The following DNHD1 variants were observed in gnomAD, a reference collection of about 807,000 sequenced individuals.
DNHD1 encodes dynein heavy chain domain-containing protein 1.
Under a neutral mutation model 458.1 loss-of-function variants are expected in DNHD1, and 383 were observed. The ratio of observed to expected loss-of-function variants is 0.84; its 90% CI spans 0.77 to 0.91. The LOEUF (loss-of-function observed/expected upper bound fraction) is 0.91, where lower values mean the gene tolerates loss of function less well. DNHD1 is among the 40% of genes least tolerant of loss of function. DNHD1 has a pLI of 0.00. For missense variants in DNHD1, 5,336 were observed against 5,866.1 expected (o/e 0.91, Z 2.95); for synonymous variants, 2,203 against 2,376.9 (o/e 0.93, Z 2.13).
Position 6,571,736 on chromosome 11 carries a change from A to G in DNHD1, c.14012A>G (p.Gln4671Arg), listed in dbSNP as rs779375712. ...AEWDPIAGAL[Q>R]DSPSSQPSPL... Reference sequence around the variant, plus strand: ...TGGGACCCAATAGCTGGAGCCTTGCAGGACAGTCCTTCCAGCCAACCCAGC... The same window carrying G: ...TGGGACCCAATAGCTGGAGCCTTGCGGGACAGTCCTTCCAGCCAACCCAGC... The change falls in exon 43 of 43, where the codon CAG becomes CGG. Residue 4671 changes from glutamine (Q) to arginine (R), a missense_variant. By Grantham distance (43) the Gln-to-Arg change is conservative. Coordinates refer to ENST00000254579, the MANE Select transcript of DNHD1 (RefSeq NM_144666.3). This position sits in a 1 kb window ranked among gnomAD's most constrained non-coding sequence, Gnocchi z 5.0. 5.6e-6 allele frequency: 9 copies of G among 1,612,850 alleles called. No homozygotes were observed. The African/African-American group carries it at 1.1e-4, about 19-fold the overall frequency.
Position 6,539,277 on chromosome 11 carries a change from T to C in DNHD1, c.3384T>C (p.Thr1128=). The C allele has an allele frequency of 6.4e-7, 1 of 1,551,666 alleles. No homozygotes were observed. Among genetic ancestry groups the C allele is most frequent in the Non-Finnish European group, 8.7e-7 (1 of 1,146,986 alleles). ...IELLTLGQLL[T]YPLLEFADRI... ...TCCTAACGCTGGGCCAGCTGCTTAC[T>C]TATCCACTGCTGGAGTTTGCAGATC... The change falls in exon 17 of 43, where the codon ACT becomes ACC. Residue 1128 remains threonine (T), a synonymous_variant. Transcript: ENST00000254579.
At position 6,539,915 on chromosome 11, in the gene DNHD1, A is replaced by C. The variant is rs1469155370; in HGVS notation, c.3460A>C (p.Thr1154Pro). The C allele has an allele frequency of 6.4e-7, 1 of 1,551,582 alleles. No individual in the cohort carries two copies. Among genetic ancestry groups the C allele is most frequent in the Non-Finnish European group, 8.7e-7 (1 of 1,146,994 alleles). Residue 1154 changes from threonine (T) to proline (P), a missense_variant, in exon 18 of 43, where the codon ACT (threonine) becomes CCT (proline). Physicochemically the swap from Thr to Pro is conservative, Grantham distance 38. This residue lies in a region of DNHD1 where 3,932 missense variants were observed against 4,365.6 expected (regional missense o/e 0.90). Transcript: ENST00000254579. ...NENERIHAQE[T>P]IRRLQRYWEA... ...AAATGAACGAATTCATGCCCAAGAG[A>C]CTATACGGCGGTTGCAGCGGTACTG...
Position 6,570,248 on chromosome 11 carries a change from T to C in DNHD1, c.12957T>C (p.Ala4319=). 6.2e-7 allele frequency: 1 copy of C among 1,613,660 alleles called. No individual in the cohort carries two copies. Among genetic ancestry groups the C allele is most frequent in the South Asian group, 1.1e-5 (1 of 91,036 alleles). ...GAGAGACTCTAACCTCATCTTCAGC[T>C]TCAGTTTTCTACGGGGGTCCTCTGG... is the stretch of plus-strand genomic sequence containing the variant. ...NPRAAMQELA[A]SVFYGGPLGD... is the part of the protein sequence containing the mutation. Residue 4319 remains alanine (A), a splice_region_variant and synonymous_variant, in exon 41 of 43, where the codon GCT becomes GCC. Coordinates refer to ENST00000254579, the MANE Select transcript of DNHD1 (RefSeq NM_144666.3).
At chr11:6,507,953 G>T (rs1852260921) in intron 4 of DNHD1, among the ~76,000 whole-genome samples, 1 of 152,144 alleles carries the variant, frequency 6.6e-6, no homozygotes, top group South Asian at 2.1e-4. Flanking sequence ...TAAGTCACTT[G>T]CTTAACAATG....
In DNHD1 at chr11:6,520,504, C is replaced by T. The variant is rs534004587; in HGVS notation, c.1837+215C>T. On this transcript the variant is annotated intron_variant, in intron 10 of 42. Coordinates refer to ENST00000254579, the MANE Select transcript of DNHD1 (RefSeq NM_144666.3). ...AAATTCACGTGGTTATGTGTATGTG[C>T]GTGCAATGAGAGGGTGTATGAAAGA... 1.2e-5 allele frequency: 17 copies of T among 1,410,118 alleles called. No homozygotes were observed. The Admixed American group carries it at 1.4e-4, about 12-fold the overall frequency. The allele number at this position is 1,410,118 out of a possible 1,614,324, so 87.4% of individuals were successfully genotyped here.
At chr11:6,540,505 TTA>T (rs1358017844) in intron 18 of DNHD1, among the ~76,000 whole-genome samples, 3 of 152,204 alleles carry the variant, frequency 2.0e-5, no homozygotes, top group Admixed American at 1.3e-4. Flanking sequence ...ACCTTGAGAC[TTA>T]CAGACAGTAT....
intron 24 of DNHD1, among the ~76,000 whole-genome samples, chr11:6,553,859 AAT>A (rs1176640523): frequency 6.6e-6 from 1 of 152,214 alleles, no homozygotes; most frequent in African/African-American, 2.4e-5. Flanking sequence ...TAAATGGAGA[AAT>A]ATATGATGTT....
At chr11:6,538,531 A>G in intron 15 of DNHD1, 21 bp downstream of exon 15, 3 of 1,551,690 alleles carry the variant, frequency 1.9e-6, no homozygotes, top group Non-Finnish European at 2.6e-6. Context: ...CCTTCCTTGG[A>G]GCTCTTGACT....
chr11:6,540,120 T>A, intron 18 of DNHD1, 37 bp downstream of exon 18: 3 of 1,514,278 alleles, frequency 2.0e-6, no homozygotes, highest in Non-Finnish European at 2.7e-6. Context: ...GAAAGCCCCC[T>A]GCTGGGGGCC....
intron 32 of DNHD1, 111 bp from the exon 33 acceptor site, chr11:6,565,584 G>C: frequency 8.4e-7 from 1 of 1,196,398 alleles, no homozygotes; most frequent in Non-Finnish European, 1.2e-6. Context: ...ACTTTCCTAA[G>C]ATGTCTTCCT....
Position 6,545,851 on chromosome 11 carries a change from T to C in DNHD1, c.4912T>C (p.Cys1638Arg). The part of the protein sequence containing the change: ...SSEPSLSPAA[C>R]WIDVLGRSFL... ...TGAACCCTCTCTGTCACCAGCGGCA[T>C]GCTGGATAGATGTGCTAGGCAGGTC... Residue 1638 changes from cysteine to arginine, a missense_variant, in exon 21 of 43, where the codon TGC (cysteine) becomes CGC (arginine). Physicochemically the swap from Cys to Arg is radical, Grantham distance 180 (BLOSUM62 -3). This residue lies in a region of DNHD1 where 3,932 missense variants were observed against 4,365.6 expected (regional missense o/e 0.90). Transcript: ENST00000254579. The surrounding 1 kb of genome is among the most constrained non-coding windows in gnomAD (Gnocchi z 4.9). 1.3e-6 allele frequency: 2 copies of C among 1,551,862 alleles called. No homozygotes were observed. The highest frequency in any genetic ancestry group is 1.7e-6 in the Non-Finnish European group (2 of 1,146,998).
In DNHD1 at chr11:6,533,185, G is replaced by A; in HGVS notation, c.2505+1G>A. The A allele has an allele frequency of 6.4e-7, 1 of 1,551,178 alleles. No homozygotes were observed. The highest frequency in any genetic ancestry group is 8.7e-7 in the Non-Finnish European group (1 of 1,146,808). On this transcript the variant is annotated splice_donor_variant, in intron 13 of 42. Coordinates refer to ENST00000254579, the MANE Select transcript of DNHD1 (RefSeq NM_144666.3). LOFTEE classifies it high-confidence loss of function. The stretch of plus-strand genomic sequence containing the variant: ...TGCCATTGCACAGTGCACCCAGAAG[G>A]TGGGCTCTCCCCATCCATCCTTCCC...
chr11:6,550,056 C>T (rs1214556989), intron 24 of DNHD1, among the ~76,000 whole-genome samples: 1 of 152,184 alleles, frequency 6.6e-6, no homozygotes. Context: ...ATGTAGAAAA[C>T]TTGAACCAGA....
Position 6,544,798 on chromosome 11 carries a change from C to T in DNHD1, c.3859C>T (p.Arg1287Cys), listed in dbSNP as rs763332095. The change falls in exon 21 of 43, where the codon CGT (arginine) becomes TGT (cysteine). Residue 1287 changes from arginine to cysteine, a missense_variant. Transcript: ENST00000254579. Reference protein sequence around the residue: ...IQFPNADLNSRFKVMDDQYRT... With the variant: ...IQFPNADLNSCFKVMDDQYRT... ...ATCCTCTCCCTCACCACAGAACTCT[C>T]GTTTCAAGGTCATGGATGACCAGTA... 9.0e-6 allele frequency: 14 copies of T among 1,550,316 alleles called. No individual in the cohort carries two copies. Among genetic ancestry groups the T allele is most frequent in the Middle Eastern group, 1.7e-4 (1 of 6,008 alleles).
chr11:6,570,701 CTGAG>C lies in DNHD1; in HGVS notation c.13194_13197del (p.Ser4398ArgfsTer16). ...ACCACCTGAACCCCGGCTCTGCGGA[CTGAG>C]TGAGGGCCCCCAAGCCTGGCTGTTG... On this transcript the variant is annotated frameshift_variant, in exon 42 of 43. Coordinates refer to ENST00000254579, the MANE Select transcript of DNHD1 (RefSeq NM_144666.3). LOFTEE classifies it high-confidence loss of function. 1 of 1,611,556 alleles carries C rather than the reference CTGAG, an allele frequency of 6.2e-7. No individual in the cohort carries two copies. The highest frequency in any genetic ancestry group is 1.3e-5 in the African/African-American group (1 of 75,006).
intron 10 of DNHD1, among the ~76,000 whole-genome samples, chr11:6,524,212 G>A (rs1231199052): frequency 2.0e-5 from 3 of 152,146 alleles, no homozygotes. Flanking sequence ...TGCTCTTCAA[G>A]CTTGTCTTAT....
Position 6,546,060 on chromosome 11 carries a change from G to C in DNHD1, c.5121G>C (p.Gln1707His). Residue 1707 changes from glutamine to histidine, a missense_variant, in exon 21 of 43, where the codon CAG becomes CAC. Around this residue, in one of 4 missense-constraint regions of DNHD1, gnomAD observed 3,932 missense variants for 4,365.6 expected, o/e 0.90. Transcript: ENST00000254579. ...VNSLAQALGR[Q>H]LVMLPCSPQI... ...GCCTGGCACAGGCCCTGGGCCGCCA[G>C]CTGGTGATGCTACCCTGCTCACCTC... 1 of 1,551,354 alleles carries C rather than the reference G, an allele frequency of 6.4e-7. No homozygotes were observed. The highest frequency in any genetic ancestry group is 1.2e-5 in the South Asian group (1 of 84,052).
intron 24 of DNHD1, among the ~76,000 whole-genome samples, chr11:6,553,159 C>G (rs1351741362): frequency 1.3e-5 from 2 of 152,116 alleles, no homozygotes; most frequent in East Asian, 3.8e-4. Context: ...AGAATAATAT[C>G]TTAAGACCAA....
chr11:6,558,683 C>T lies in DNHD1; in HGVS notation c.9201C>T (p.Pro3067=), dbSNP rs538098763. 188 of 1,549,952 alleles carry T rather than the reference C, an allele frequency of 1.2e-4. 1 individual carries two copies. The highest frequency in any genetic ancestry group is 8.3e-4 in the Middle Eastern group (5 of 5,992). Residue 3067 remains proline (P), a synonymous_variant, in exon 26 of 43, where the codon CCC becomes CCT. Coordinates refer to ENST00000254579, the MANE Select transcript of DNHD1 (RefSeq NM_144666.3). ...QHHLEGAQSV[P]LDDGSWKYPD... Reference sequence around the variant, plus strand: ...ACCTGGAGGGTGCTCAGAGTGTGCCCCTTGATGACGGTAAGCCCTTTTTAC... The same window carrying T: ...ACCTGGAGGGTGCTCAGAGTGTGCCTCTTGATGACGGTAAGCCCTTTTTAC...
Sources: gnomAD v4.1 joint callset for allele counts (sites outside exome capture counted in the v4.1 genomes callset) on GRCh38, gnomAD v4.1.1 for gene constraint, gnomAD v4.1.1 regional missense constraint, Gnocchi (gnomAD v3.1) non-coding constraint, MANE v1.5 for transcripts, NCBI Gene and HGNC (gene_info 2026-07-23, HGNC 2026-07-21) for gene names.